SND1: variants seen among roughly 807,000 people sequenced by gnomAD.
The protein encoded by SND1 is staphylococcal nuclease domain-containing protein 1.
In SND1, 38 loss-of-function variants were observed where a neutral mutation model predicts 121.7. The observed-to-expected ratio is 0.31, with a 90% CI of 0.24 to 0.41. The LOEUF (loss-of-function observed/expected upper bound fraction) is 0.41. Ranked by LOEUF, SND1 falls within the 10% of genes least tolerant of loss-of-function variation. SND1 has a pLI of 1.00. For synonymous variants in SND1, 401 were observed against 447.4 expected, an observed-to-expected ratio of 0.90 and a Z score of 1.31; for missense variants, 868 against 1,184.6, an observed-to-expected ratio of 0.73 and a Z score of 3.92.
intron 11 of SND1, among the ~76,000 whole-genome samples, chr7:127,813,643 C>T (rs1045324804): frequency 1.3e-5 from 2 of 152,130 alleles, no homozygotes; most frequent in Non-Finnish European, 2.9e-5. Flanking sequence ...CTCACTGCAA[C>T]GTCCGCCTCC....
chr7:127,930,004 T>G (rs182151823), intron 15 of SND1, among the ~76,000 whole-genome samples: 9 of 152,314 alleles, frequency 5.9e-5, no homozygotes, highest in South Asian at 2.1e-4. Context: ...CAATTTACAT[T>G]TATGCATTCA....
chr7:127,837,969 A>G (rs1798896302), intron 11 of SND1, among the ~76,000 whole-genome samples: 2 of 152,210 alleles, frequency 1.3e-5, no homozygotes, highest in Admixed American at 1.3e-4. Context: ...AGGGAGGGGA[A>G]CAGGCAGGTA....
chr7:127,862,643 A>G (rs1047326909), intron 12 of SND1, among the ~76,000 whole-genome samples: 1 of 152,234 alleles, frequency 6.6e-6, no homozygotes, highest in African/African-American at 2.4e-5. Context: ...TTTAACACTC[A>G]CTGGCCAATG....
chr7:127,912,616 T>A (rs1479089751), intron 14 of SND1, among the ~76,000 whole-genome samples: 1 of 152,212 alleles, frequency 6.6e-6, no homozygotes, highest in Non-Finnish European at 1.5e-5. Flanking sequence ...TTTAGTCTCT[T>A]TGAGCCTTTC....
intron 11 of SND1, among the ~76,000 whole-genome samples, chr7:127,809,985 T>C (rs1362034668): frequency 6.6e-6 from 1 of 152,194 alleles, no homozygotes; most frequent in East Asian, 1.9e-4. Flanking sequence ...AGTTGAGTTA[T>C]GAGAATATAG....
At position 127,948,538 on chromosome 7, in the gene SND1, T is replaced by C. The variant is rs571013056; in HGVS notation, c.1669+19209T>C. Reference sequence around the variant, plus strand: ...GTAGTTCATCAGATAAACACTCTAATTGGATAACAGAGCTCAGTTTTAAAG... The same window carrying C: ...GTAGTTCATCAGATAAACACTCTAACTGGATAACAGAGCTCAGTTTTAAAG... On this transcript the variant is annotated intron_variant, in intron 15 of 23. Coordinates refer to ENST00000354725, the MANE Select transcript of SND1 (RefSeq NM_014390.4). Among the ~76,000 whole-genome samples, 9 of 152,356 alleles carry C rather than the reference T, an allele frequency of 5.9e-5. No homozygotes were observed. The South Asian group carries it at 6.2e-4, about 11-fold the overall frequency.
At chr7:127,787,855 C>G (rs1415175326) in intron 10 of SND1, among the ~76,000 whole-genome samples, 2 of 152,146 alleles carry the variant, frequency 1.3e-5, no homozygotes, top group African/African-American at 4.8e-5. Flanking sequence ...AGACTGACAA[C>G]TAGCACTGGG....
At chr7:127,766,646 G>A (rs1237290818) in intron 10 of SND1, among the ~76,000 whole-genome samples, 3 of 151,386 alleles carry the variant, frequency 2.0e-5, no homozygotes, top group East Asian at 1.9e-4. Flanking sequence ...GTGGTGGCGG[G>A]CACCTGTAGT....
Position 127,920,065 on chromosome 7 carries a change from A to C in SND1, c.1528-9123A>C, listed in dbSNP as rs192493165. Among the ~76,000 whole-genome samples the C allele has an allele frequency of 9.1e-4, 139 of 152,336 alleles. 1 individual carries two copies. The highest frequency in any genetic ancestry group is 3.4e-3 in the Middle Eastern group (1 of 294). The stretch of plus-strand genomic sequence containing the variant: ...TAAAATAAATTTTCTTCACATCATT[A>C]CTAAAGCATTCAGTTATTTCAAAAA... On this transcript the variant is annotated intron_variant, in intron 14 of 23. Transcript: ENST00000354725.
chr7:127,953,272 G>A (rs1801510482), intron 15 of SND1, among the ~76,000 whole-genome samples: 1 of 149,910 alleles, frequency 6.7e-6, no homozygotes, highest in African/African-American at 2.5e-5. Flanking sequence ...TTCCTCGCCT[G>A]CCAACATCAA....
chr7:127,867,553 C>A (rs764962428), intron 12 of SND1, among the ~76,000 whole-genome samples: 3 of 152,136 alleles, frequency 2.0e-5, no homozygotes, highest in African/African-American at 7.2e-5. Context: ...TTTACATAGT[C>A]TTTTAGTCTA....
chr7:127,739,687 A>G lies in SND1; in HGVS notation c.1152+18287A>G, dbSNP rs80099522. On this transcript the variant is annotated intron_variant, in intron 10 of 23. Coordinates refer to ENST00000354725, the MANE Select transcript of SND1 (RefSeq NM_014390.4). Reference sequence around the variant, plus strand: ...TGACTCCTGATTCCCAGGGACAGCCATGGAAGAGATGTAGAAGTAAAATGC... The same window carrying G: ...TGACTCCTGATTCCCAGGGACAGCCGTGGAAGAGATGTAGAAGTAAAATGC... 5.0e-3 allele frequency among the ~76,000 whole-genome samples: 759 copies of G among 152,348 alleles called. 4 individuals are homozygous for G. The highest frequency in any genetic ancestry group is 0.017 in the African/African-American group (715 of 41,584).
At chr7:127,940,805 T>A (rs1404053550) in intron 15 of SND1, among the ~76,000 whole-genome samples, 1 of 152,208 alleles carries the variant, frequency 6.6e-6, no homozygotes, top group Non-Finnish European at 1.5e-5. Context: ...GGAATTTGAA[T>A]AAATAGCATT....
At chr7:127,894,140 A>G (rs1223676636) in intron 13 of SND1, among the ~76,000 whole-genome samples, 1 of 152,106 alleles carries the variant, frequency 6.6e-6, no homozygotes, top group Non-Finnish European at 1.5e-5. Context: ...ATTCAGTATT[A>G]ATTGCATATC....
At chr7:127,654,729 TAG>T (rs898162025) in intron 1 of SND1, among the ~76,000 whole-genome samples, 2 of 152,172 alleles carry the variant, frequency 1.3e-5, no homozygotes, top group Admixed American at 6.5e-5. Context: ...GTACTGAGTA[TAG>T]ATTGCACTGC....
chr7:127,778,673 A>G (rs1797665708), intron 10 of SND1, among the ~76,000 whole-genome samples: 1 of 152,172 alleles, frequency 6.6e-6, no homozygotes, highest in Non-Finnish European at 1.5e-5. Context: ...GTAAAACGGT[A>G]ATATTGTTGA....
intron 3 of SND1, among the ~76,000 whole-genome samples, chr7:127,698,500 C>T (rs1293774035): frequency 6.6e-6 from 1 of 152,138 alleles, no homozygotes; most frequent in African/African-American, 2.4e-5. Flanking sequence ...TATTAAGCAG[C>T]TGGATTTGTG....
intron 4 of SND1, 74 bp from the exon 5 acceptor site, chr7:127,701,089 A>G (rs775822327): frequency 6.6e-7 from 1 of 1,523,644 alleles, no homozygotes. Context: ...ATGCTGAAGA[A>G]AACCTATATC....
intron 1 of SND1, among the ~76,000 whole-genome samples, chr7:127,681,681 A>G (rs577920532): frequency 6.6e-6 from 1 of 152,274 alleles, no homozygotes; most frequent in African/African-American, 2.4e-5. Context: ...GTAGAGGGCC[A>G]ACTTCATTCT....
Sources: gnomAD v4.1 joint callset for allele counts (sites outside exome capture counted in the v4.1 genomes callset) on GRCh38, gnomAD v4.1.1 for gene constraint, MANE v1.5 for transcripts, NCBI Gene and HGNC (gene_info 2026-07-23, HGNC 2026-07-21) for gene names.